The following RAD54B variants were observed in gnomAD, a reference collection of about 807,000 sequenced individuals.
The protein encoded by RAD54B is DNA repair and recombination protein RAD54B.
A neutral mutation model predicts 95.8 loss-of-function variants in RAD54B; 78 were observed. The observed-to-expected ratio is 0.81, with a 90% CI of 0.68 to 0.98. The LOEUF is 0.98. Ranked by LOEUF, RAD54B falls within the 50% of genes least tolerant of loss-of-function variation. RAD54B has a pLI of 0.00. For synonymous variants in RAD54B, 328 were observed against 354.9 expected, an observed-to-expected ratio of 0.92 and a Z score of 0.85; for missense variants, 957 against 1,056.6, an observed-to-expected ratio of 0.91 and a Z score of 1.31.
intron 2 of RAD54B, among the ~76,000 whole-genome samples, chr8:94,465,684 A>T (rs900655188): frequency 6.6e-6 from 1 of 152,218 alleles, no homozygotes; most frequent in African/African-American, 2.4e-5. Context: ...TTAAAACAGG[A>T]ACACAAACAG....
At chr8:94,381,977 G>T (rs1025889169) in intron 11 of RAD54B, among the ~76,000 whole-genome samples, 1 of 152,090 alleles carries the variant, frequency 6.6e-6, no homozygotes, top group African/African-American at 2.4e-5. Context: ...AGTCGGGCAT[G>T]GTGGTGGGCG....
At chr8:94,392,903 C>A (rs932269957) in intron 9 of RAD54B, among the ~76,000 whole-genome samples, 1 of 147,912 alleles carries the variant, frequency 6.8e-6, no homozygotes, top group Non-Finnish European at 1.5e-5. Context: ...GTGGCATGAT[C>A]TCAGCTCACT....
intron 3 of RAD54B, chr8:94,430,388 A>G: frequency 2.0e-6 from 2 of 985,076 alleles, no homozygotes; most frequent in Non-Finnish European, 2.4e-6. Context: ...CCCTCAGTTC[A>G]CTTTCAACTA....
At chr8:94,441,910 T>A (rs538703999) in intron 3 of RAD54B, among the ~76,000 whole-genome samples, 5 of 152,164 alleles carry the variant, frequency 3.3e-5, no homozygotes, top group Non-Finnish European at 7.4e-5. Context: ...TTCCACAATA[T>A]CACCTATTAT....
At chr8:94,459,447 G>A (rs545288935) in intron 2 of RAD54B, among the ~76,000 whole-genome samples, 37 of 151,624 alleles carry the variant, frequency 2.4e-4, no homozygotes, top group Admixed American at 7.9e-4. Flanking sequence ...CACCATACCC[G>A]GCCTTAAAAA....
rs772685781 is a variant in RAD54B at position 94,380,204 on chromosome 8, T to A, written c.2188A>T (p.Ile730Phe). 10 of 1,613,376 alleles carry A rather than the reference T, an allele frequency of 6.2e-6. No homozygotes were observed. The East Asian group carries it at 2.0e-4, about 32-fold the overall frequency. ...TAGAGAATTAAGTGAGATCCTCCAA[T>A]GAGGTTAAGTCCTACACCACCAGCT... ...SKAGGVGLNL[I>F]GGSHLILYDI... The change falls in exon 12 of 15, where the codon ATT (isoleucine) becomes TTT (phenylalanine). Residue 730 changes from isoleucine (I) to phenylalanine (F), a missense_variant. Coordinates refer to ENST00000336148, the MANE Select transcript of RAD54B (RefSeq NM_012415.3).
chr8:94,426,695 G>A (rs755907493), intron 3 of RAD54B, among the ~76,000 whole-genome samples: 6 of 152,130 alleles, frequency 3.9e-5, no homozygotes, highest in Admixed American at 1.3e-4. Context: ...GTTGCCTGAC[G>A]TGCAAGAAGA....
chr8:94,464,526 A>C (rs1038037099), intron 2 of RAD54B, among the ~76,000 whole-genome samples: 1 of 152,228 alleles, frequency 6.6e-6, no homozygotes, highest in Non-Finnish European at 1.5e-5. Context: ...AATTTGTTTC[A>C]GCAGCAAGAG....
rs115597265 is a variant in RAD54B, at chr8:94,400,319, A to G, written c.1089T>C (p.Pro363=). 3.0e-4 allele frequency: 486 copies of G among 1,613,856 alleles called. 1 individual carries two copies. In the African/African-American group the frequency reaches 5.3e-3, roughly 18 times the overall value. ...TCTTCCAATTATTCACCAAGCTTCC[A>G]GGTGTGACAATTAGTGTCTTCTTTA... The part of the protein sequence containing the change: ...PVIKKTLIVT[P]GSLVNNWKKE... The change falls in exon 7 of 15, where the codon CCT becomes CCC. Residue 363 remains proline, a synonymous_variant. Coordinates refer to ENST00000336148, the MANE Select transcript of RAD54B (RefSeq NM_012415.3).
intron 14 of RAD54B, among the ~76,000 whole-genome samples, chr8:94,377,857 T>C (rs1049673523): frequency 3.4e-5 from 5 of 148,598 alleles, no homozygotes; most frequent in Non-Finnish European, 5.9e-5. Context: ...GCGCCTGTAG[T>C]CCCAGCTACT....
At chr8:94,471,620 C>A (rs1563669677) in intron 1 of RAD54B, among the ~76,000 whole-genome samples, 1 of 151,914 alleles carries the variant, frequency 6.6e-6, no homozygotes, top group Admixed American at 6.6e-5. Flanking sequence ...AATACACAAT[C>A]GTTTTTTAAA....
chr8:94,379,316 A>G (rs951402227), intron 12 of RAD54B, among the ~76,000 whole-genome samples: 1 of 152,210 alleles, frequency 6.6e-6, no homozygotes, highest in African/African-American at 2.4e-5. Context: ...CAGGTGTTCC[A>G]TGACTACAGA....
At chr8:94,427,378 C>G (rs1586160908) in intron 3 of RAD54B, among the ~76,000 whole-genome samples, 1 of 152,002 alleles carries the variant, frequency 6.6e-6, no homozygotes, top group East Asian at 1.9e-4. Context: ...TGAACAATTT[C>G]TCAAAATCGT....
chr8:94,406,951 A>G (rs1811403838), intron 5 of RAD54B, among the ~76,000 whole-genome samples: 1 of 152,206 alleles, frequency 6.6e-6, no homozygotes. Flanking sequence ...TGCATTCATC[A>G]GTGTGAAAAT....
In RAD54B at chr8:94,404,096, C is replaced by CA. The variant is rs1225538936; in HGVS notation, c.924dup (p.Glu309Ter). ...TCCTACCTCATTCCCATTACACATT[C>CA]ATAAAGGAATATGATTCCTTCTTTC... On this transcript the variant is annotated frameshift_variant, in exon 6 of 15. Transcript: ENST00000336148. LOFTEE classifies it high-confidence loss of function. 5 of 1,602,080 alleles carry CA rather than the reference C, an allele frequency of 3.1e-6. No individual in the cohort carries two copies. The East Asian group carries it at 9.0e-5, about 29-fold the overall frequency.
At chr8:94,432,741 A>C in intron 3 of RAD54B, 1 of 1,361,198 alleles carries the variant, frequency 7.3e-7, no homozygotes, top group Non-Finnish European at 9.5e-7. Context: ...TTTAATGTAC[A>C]TTAAATGATA....
chr8:94,427,916 G>A (rs957159906), intron 3 of RAD54B: 3 of 923,686 alleles, frequency 3.2e-6, no homozygotes, highest in African/African-American at 3.7e-5. Flanking sequence ...GATAGAACAG[G>A]GTAGAATGAC....
chr8:94,426,021 G>A (rs1441350894), intron 3 of RAD54B, among the ~76,000 whole-genome samples: 1 of 152,076 alleles, frequency 6.6e-6, no homozygotes, highest in Non-Finnish European at 1.5e-5. Flanking sequence ...GGCGTCATCA[G>A]GGCTCACTGC....
chr8:94,402,698 T>C (rs931123217), intron 6 of RAD54B, among the ~76,000 whole-genome samples: 6 of 152,214 alleles, frequency 3.9e-5, no homozygotes, highest in African/African-American at 1.4e-4. Context: ...TGAGAGTCTC[T>C]GAATGATTTT....
Sources: gnomAD v4.1 joint callset for allele counts (sites outside exome capture counted in the v4.1 genomes callset) on GRCh38, gnomAD v4.1.1 for gene constraint, MANE v1.5 for transcripts, NCBI Gene and HGNC (gene_info 2026-07-23, HGNC 2026-07-21) for gene names.